ABCC1: variants seen among roughly 807,000 people sequenced by gnomAD.
The protein encoded by ABCC1 is ATP binding cassette subfamily C member 1 (ABCC1 blood group), also known as multidrug resistance-associated protein 1.
In ABCC1, 83 loss-of-function variants were observed where a neutral mutation model predicts 172.9. The observed-to-expected ratio is 0.48, with a 90% confidence interval of 0.40 to 0.58. ABCC1 has a LOEUF of 0.58. Among genes scored for constraint, ABCC1 ranks in the 20% least tolerant of loss-of-function variants. ABCC1 has a pLI of 0.00. For synonymous variants in ABCC1, 937 were observed against 825.2 expected, an observed-to-expected ratio of 1.14 and a Z score of -2.32; for missense variants, 1,817 against 2,002.7, an observed-to-expected ratio of 0.91 and a Z score of 1.77.
In ABCC1 at chr16:16,014,622, A is replaced by G. The variant is rs772142280; in HGVS notation, c.483A>G (p.Leu161=). The change falls in exon 4 of 31, where the codon TTA becomes TTG. Residue 161 remains leucine, a synonymous_variant. Transcript: ENST00000399410. The stretch of plus-strand genomic sequence containing the variant: ...TGAGATCCAAAATTATGACAGCCTT[A>G]AAAGAGGTAAGTGGCAGTCTCCTTC... ...AILRSKIMTA[L]KEDAQVDLFR... is the part of the protein sequence containing the mutation. 6.2e-7 allele frequency: 1 copy of G among 1,613,674 alleles called. No homozygotes were observed. The highest frequency in any genetic ancestry group is 8.5e-7 in the Non-Finnish European group (1 of 1,179,938).
chr16:16,124,702 A>T, intron 24 of ABCC1, 87 bp from the exon 25 acceptor site: 1 of 1,580,138 alleles, frequency 6.3e-7, no homozygotes, highest in Non-Finnish European at 8.6e-7. Context: ...GTTAGCAAAG[A>T]ATCCCCTTCC....
intron 1 of ABCC1, among the ~76,000 whole-genome samples, chr16:15,998,602 C>T (rs1170094306): frequency 6.6e-6 from 1 of 152,170 alleles, no homozygotes; most frequent in Non-Finnish European, 1.5e-5. Flanking sequence ...CCTTCTGCTC[C>T]CTCCCACAGC....
At chr16:16,043,220 C>CCGT (rs1437069469) in intron 7 of ABCC1, among the ~76,000 whole-genome samples, 17 of 93,174 alleles carry the variant, frequency 1.8e-4, no homozygotes, top group African/African-American at 9.6e-4. Flanking sequence ...GCTGGCTGGA[C>CCGT]TGTTTTTTTT....
chr16:15,966,317 C>T (rs1249047958), intron 1 of ABCC1, among the ~76,000 whole-genome samples: 1 of 150,660 alleles, frequency 6.6e-6, no homozygotes, highest in Non-Finnish European at 1.5e-5. Context: ...GAGGCTGAGG[C>T]GGGAGAATTG....
chr16:16,056,615 G>A, intron 12 of ABCC1: 1 of 392,634 alleles, frequency 2.5e-6, no homozygotes, highest in South Asian at 2.5e-5. Context: ...GTTGGAGTGG[G>A]CCAAGATCAC....
Position 16,046,023 on chromosome 16 carries a change from G to A in ABCC1, c.1218+10G>A, listed in dbSNP as rs775940471. ...GGCTGTCTATCGGAAGGTAGGGGACGCTGTGCCATTGGCATGTGGCCCGAC... is the reference window on the plus strand; with the variant it reads ...GGCTGTCTATCGGAAGGTAGGGGACACTGTGCCATTGGCATGTGGCCCGAC... On this transcript the variant is annotated intron_variant, in intron 9 of 30. Coordinates refer to ENST00000399410, the MANE Select transcript of ABCC1 (RefSeq NM_004996.4). 6.2e-7 allele frequency: 1 copy of A among 1,613,402 alleles called. No individual in the cohort carries two copies. The highest frequency in any genetic ancestry group is 8.5e-7 in the Non-Finnish European group (1 of 1,179,684).
At chr16:16,018,917 C>T (rs1009290116) in intron 5 of ABCC1, among the ~76,000 whole-genome samples, 3 of 151,938 alleles carry the variant, frequency 2.0e-5, no homozygotes, top group African/African-American at 7.3e-5. Flanking sequence ...GCTAGAGGAT[C>T]GCTTGAGCCC....
At chr16:16,053,449 A>ATT (rs1005280777) in intron 11 of ABCC1, among the ~76,000 whole-genome samples, 1 of 151,846 alleles carries the variant, frequency 6.6e-6, no homozygotes, top group Non-Finnish European at 1.5e-5. Context: ...GATATTTTGT[A>ATT]TTTTAAAAAG....
intron 11 of ABCC1, among the ~76,000 whole-genome samples, chr16:16,054,122 C>T (rs1340931607): frequency 2.6e-5 from 4 of 151,828 alleles, no homozygotes; most frequent in Non-Finnish European, 5.9e-5. Flanking sequence ...TTACAGGTGC[C>T]CACCACCACA....
chr16:16,120,921 A>G lies in ABCC1; in HGVS notation c.3391-1054A>G, dbSNP rs1413917357. Reference sequence around the variant, plus strand: ...TGAGGGGATGTGATCAACAGGCGGAATTCTGTCACTTAATGATAACAATAG... The same window carrying G: ...TGAGGGGATGTGATCAACAGGCGGAGTTCTGTCACTTAATGATAACAATAG... On this transcript the variant is annotated intron_variant, in intron 23 of 30. Transcript: ENST00000399410. 2.0e-5 allele frequency among the ~76,000 whole-genome samples: 3 copies of G among 152,168 alleles called. No homozygotes were observed. The East Asian group carries it at 5.8e-4, about 29-fold the overall frequency.
chr16:15,955,080 G>A (rs1243578938), intron 1 of ABCC1, among the ~76,000 whole-genome samples: 1 of 152,150 alleles, frequency 6.6e-6, no homozygotes. Context: ...CTCAGTCCAG[G>A]CGCCGTGGCT....
At chr16:16,065,156 A>G (rs1241702145) in intron 12 of ABCC1, among the ~76,000 whole-genome samples, 1 of 152,204 alleles carries the variant, frequency 6.6e-6, no homozygotes, top group Non-Finnish European at 1.5e-5. Flanking sequence ...GATGACGCCA[A>G]ATGAGGTACA....
chr16:16,117,676 C>T (rs1023926793), intron 23 of ABCC1, among the ~76,000 whole-genome samples: 3 of 152,168 alleles, frequency 2.0e-5, no homozygotes, highest in Non-Finnish European at 2.9e-5. Context: ...GAGGCCGAGG[C>T]GCGTGTATCA....
intron 1 of ABCC1, among the ~76,000 whole-genome samples, chr16:15,974,792 T>C (rs2046446837): frequency 6.6e-6 from 1 of 152,064 alleles, no homozygotes; most frequent in Admixed American, 6.6e-5. Flanking sequence ...TTTCTTTCTG[T>C]TTTTCTTTTT....
At chr16:15,986,864 A>G (rs1369662010) in intron 1 of ABCC1, among the ~76,000 whole-genome samples, 1 of 152,180 alleles carries the variant, frequency 6.6e-6, no homozygotes, top group Non-Finnish European at 1.5e-5. Flanking sequence ...ACAATCAATC[A>G]TTTGGTTAGG....
intron 11 of ABCC1, 89 bp downstream of exon 11, chr16:16,052,905 C>A: frequency 7.7e-7 from 1 of 1,293,974 alleles, no homozygotes; most frequent in Non-Finnish European, 1.1e-6. Context: ...TCTGCTCTGT[C>A]CCTGGGGTTC....
intron 7 of ABCC1, among the ~76,000 whole-genome samples, chr16:16,039,878 C>T (rs2048905851): frequency 1.3e-5 from 2 of 151,894 alleles, no homozygotes; most frequent in Admixed American, 1.3e-4. Flanking sequence ...ACTCGTGGTG[C>T]ATCAGGGGGC....
At chr16:16,011,129 A>T (rs562811744) in intron 3 of ABCC1, among the ~76,000 whole-genome samples, 1 of 152,286 alleles carries the variant, frequency 6.6e-6, no homozygotes, top group South Asian at 2.1e-4. Flanking sequence ...GCTACTCAAG[A>T]GGCTGAGGCA....
intron 17 of ABCC1, 99 bp downstream of exon 17, chr16:16,083,641 C>T: frequency 6.7e-7 from 1 of 1,490,796 alleles, no homozygotes; most frequent in East Asian, 2.3e-5. Context: ...CTGCTATCAG[C>T]TGACCCGGCA....
Sources: gnomAD v4.1 joint callset for allele counts (sites outside exome capture counted in the v4.1 genomes callset) on GRCh38, gnomAD v4.1.1 for gene constraint, MANE v1.5 for transcripts, NCBI Gene and HGNC (gene_info 2026-07-23, HGNC 2026-07-21) for gene names.